Variants in C8orf34 observed in about 807,000 individuals in gnomAD.
C8orf34 encodes chromosome 8 open reading frame 34, also known as uncharacterized protein C8orf34.
C8orf34 carries 65 observed loss-of-function variants against 68.3 expected under a neutral mutation model. The ratio of observed to expected loss-of-function variants is 0.95; its 90% CI spans 0.78 to 1.17. C8orf34 has a LOEUF of 1.17. C8orf34 is among the 50% of genes most tolerant of loss of function. The probability of loss-of-function intolerance (pLI) is 0.00; values close to 1 mark genes in which losing one functional copy is unlikely to be tolerated. For synonymous variants in C8orf34, 244 were observed against 241.2 expected (o/e 1.01, Z -0.11); for missense variants, 664 against 655.4 (o/e 1.01, Z -0.14).
intron 7 of C8orf34, among the ~76,000 whole-genome samples, chr8:68,537,447 G>A (rs2129888715): frequency 6.7e-6 from 1 of 150,326 alleles, no homozygotes; most frequent in South Asian, 2.1e-4. Flanking sequence ...GAAATCTAAG[G>A]ACTTTCTTTT....
intron 5 of C8orf34, among the ~76,000 whole-genome samples, chr8:68,506,116 A>G (rs560836538): frequency 2.1e-4 from 30 of 139,822 alleles, no homozygotes; most frequent in African/African-American, 9.7e-4. Context: ...ACACACACAT[A>G]CACACACACA....
intron 10 of C8orf34, among the ~76,000 whole-genome samples, chr8:68,755,946 A>G (rs528287979): frequency 4.9e-4 from 74 of 152,076 alleles, no homozygotes; most frequent in Non-Finnish European, 9.4e-4. Context: ...GGGCGCCTGT[A>G]GTCCCAGCTA....
chr8:68,449,793 T>C (rs1033025607), intron 3 of C8orf34, among the ~76,000 whole-genome samples: 2 of 152,140 alleles, frequency 1.3e-5, no homozygotes, highest in African/African-American at 4.8e-5. Flanking sequence ...TGTGGACAGA[T>C]CAGGGTGTTG....
intron 3 of C8orf34, among the ~76,000 whole-genome samples, chr8:68,458,263 G>A (rs1424017293): frequency 4.6e-5 from 7 of 152,098 alleles, no homozygotes; most frequent in Admixed American, 3.9e-4. Flanking sequence ...AAACTCAGTG[G>A]CTGAAAACAG....
At chr8:68,515,265 T>G (rs1814457820) in intron 5 of C8orf34, among the ~76,000 whole-genome samples, 1 of 145,744 alleles carries the variant, frequency 6.9e-6, no homozygotes, top group Non-Finnish European at 1.5e-5. Flanking sequence ...ACTTATTTAG[T>G]TTTTTTTTTT....
rs138319227 is a variant in C8orf34, at chr8:68,666,216, C to T, written c.1241+25705C>T. ...AGAACACGTGCTCTTTTCTTCTCTG[C>T]TGCTAACAACAATGTTAGGGTAAGG... On this transcript the variant is annotated intron_variant, in intron 8 of 13. Transcript: ENST00000518698. 2.9e-3 allele frequency among the ~76,000 whole-genome samples: 448 copies of T among 152,248 alleles called. 12 individuals are homozygous for T. The highest frequency in any genetic ancestry group is 0.027 in the Admixed American group (416 of 15,290).
intron 10 of C8orf34, among the ~76,000 whole-genome samples, chr8:68,774,353 T>TATATATATATA (rs1823445455): frequency 9.1e-6 from 1 of 109,906 alleles, no homozygotes; most frequent in African/African-American, 5.8e-5. Flanking sequence ...ATATATAAAA[T>TATATATATATA]AAACAAAAAA....
intron 7 of C8orf34, among the ~76,000 whole-genome samples, chr8:68,541,930 AT>A (rs1320458513): frequency 6.6e-6 from 1 of 152,230 alleles, no homozygotes; most frequent in East Asian, 1.9e-4. Flanking sequence ...CAAGCTTTTT[AT>A]TTAAAAAGTA....
intron 8 of C8orf34, among the ~76,000 whole-genome samples, chr8:68,672,436 AAG>A (rs1174276983): frequency 6.6e-6 from 1 of 152,184 alleles, no homozygotes; most frequent in Non-Finnish European, 1.5e-5. Flanking sequence ...ATGTGGCACA[AAG>A]AGAGAATCTG....
At chr8:68,754,849 C>T (rs1822806231) in intron 10 of C8orf34, among the ~76,000 whole-genome samples, 1 of 152,200 alleles carries the variant, frequency 6.6e-6, no homozygotes, top group East Asian at 1.9e-4. Context: ...TTCAGGGCAA[C>T]TGTACTATAT....
At chr8:68,766,245 A>T (rs775356502) in intron 10 of C8orf34, among the ~76,000 whole-genome samples, 1 of 152,200 alleles carries the variant, frequency 6.6e-6, no homozygotes, top group African/African-American at 2.4e-5. Context: ...CCATGCTCCT[A>T]TCTGAGTCAC....
At position 68,433,095 on chromosome 8, in the gene C8orf34, C is replaced by T. The variant is rs142981242; in HGVS notation, c.328-6404C>T. ...TCTCATGTATTCATTGTCAATTCCA[C>T]GCTCATTACCTGCTTATTTATGAAA... On this transcript the variant is annotated intron_variant, in intron 1 of 13. Transcript: ENST00000518698. 3.4e-3 allele frequency among the ~76,000 whole-genome samples: 525 copies of T among 152,208 alleles called. 1 individual carries two copies. Among genetic ancestry groups the T allele is most frequent in the Non-Finnish European group, 5.9e-3 (398 of 68,010 alleles).
intron 1 of C8orf34, among the ~76,000 whole-genome samples, chr8:68,379,837 G>A (rs1477772868): frequency 6.6e-6 from 1 of 152,042 alleles, no homozygotes. Flanking sequence ...CACGCTTCTT[G>A]TTGCATGGTT....
At chr8:68,366,686 G>T (rs1807273353) in intron 1 of C8orf34, among the ~76,000 whole-genome samples, 1 of 146,332 alleles carries the variant, frequency 6.8e-6, no homozygotes, top group Non-Finnish European at 1.5e-5. Flanking sequence ...GGGAAAACTG[G>T]CTAGCCATAT....
At chr8:68,607,328 G>C (rs376057141) in intron 7 of C8orf34, among the ~76,000 whole-genome samples, 7 of 152,118 alleles carry the variant, frequency 4.6e-5, no homozygotes, top group African/African-American at 1.7e-4. Context: ...AACATTTCTG[G>C]AGGATAAACA....
At chr8:68,359,553 G>A (rs914936225) in intron 1 of C8orf34, among the ~76,000 whole-genome samples, 1 of 152,180 alleles carries the variant, frequency 6.6e-6, no homozygotes, top group African/African-American at 2.4e-5. Context: ...GAATAGAAAT[G>A]AGCATCAGGT....
intron 8 of C8orf34, among the ~76,000 whole-genome samples, chr8:68,669,589 T>A (rs551626886): frequency 6.6e-6 from 1 of 152,346 alleles, no homozygotes; most frequent in South Asian, 2.1e-4. Flanking sequence ...ATATTGGGCA[T>A]GATGCCAGCA....
intron 7 of C8orf34, among the ~76,000 whole-genome samples, chr8:68,543,816 G>T (rs999142361): frequency 1.2e-4 from 19 of 152,174 alleles, no homozygotes; most frequent in African/African-American, 4.3e-4. Flanking sequence ...GGTAATAACT[G>T]GCTGTAACCC....
At chr8:68,590,141 A>AAAAGG (rs139401783) in intron 7 of C8orf34, among the ~76,000 whole-genome samples, 2 of 148,978 alleles carry the variant, frequency 1.3e-5, no homozygotes, top group Non-Finnish European at 3.0e-5. Context: ...GGAAGGAAGG[A>AAAAGG]AAAGGAAAGG....
Sources: gnomAD v4.1 joint callset for allele counts (sites outside exome capture counted in the v4.1 genomes callset) on GRCh38, gnomAD v4.1.1 for gene constraint, MANE v1.5 for transcripts, NCBI Gene and HGNC (gene_info 2026-07-23, HGNC 2026-07-21) for gene names.